SRGAP1: variants seen among roughly 807,000 people sequenced by gnomAD.
SRGAP1 encodes the protein SLIT-ROBO Rho GTPase activating protein 1.
Under a neutral mutation model 121.9 loss-of-function variants are expected in SRGAP1, and 43 were observed. The observed-to-expected ratio is 0.35, with a 90% CI of 0.28 to 0.46. The LOEUF is 0.46. Ranked by LOEUF, SRGAP1 falls within the 20% of genes least tolerant of loss-of-function variation. The pLI is 1.00. For synonymous variants in SRGAP1, 447 were observed against 485.4 expected (o/e 0.92, Z 1.04); for missense variants, 1,102 against 1,350.9 (o/e 0.82, Z 2.89).
Position 64,150,558 on chromosome 12 carries a change from A to G in SRGAP1, c.*7886A>G, listed in dbSNP as rs570357587. The stretch of plus-strand genomic sequence containing the variant: ...AGCCAGGAGAGAAGGAAACATCTTC[A>G]GTGGTCCAGTGGCACATTCAAAATT... On this transcript the variant is annotated 3_prime_UTR_variant, in exon 22 of 22. Coordinates refer to ENST00000355086, the MANE Select transcript of SRGAP1 (RefSeq NM_020762.4). 2.0e-5 allele frequency: 3 copies of G among 152,274 alleles called. No individual in the cohort carries two copies. Among genetic ancestry groups the G allele is most frequent in the South Asian group, 4.1e-4 (2 of 4,820 alleles). The allele number at this position is 152,274 out of a possible 1,614,324, so 9.4% of individuals were successfully genotyped here. A position where few individuals can be genotyped will look rare whatever the true frequency, so the allele number is the denominator to read the frequency against.
intron 1 of SRGAP1, among the ~76,000 whole-genome samples, chr12:63,961,494 C>G (rs761885525): frequency 1.3e-5 from 2 of 152,156 alleles, no homozygotes; most frequent in South Asian, 2.1e-4. Context: ...GATTCCAGAT[C>G]GTATATGTAG....
At chr12:64,134,219 A>G (rs1336444343) in intron 21 of SRGAP1, among the ~76,000 whole-genome samples, 1 of 152,020 alleles carries the variant, frequency 6.6e-6, no homozygotes, top group Non-Finnish European at 1.5e-5. Flanking sequence ...CAGGAGATTG[A>G]GACCATCCTG....
intron 1 of SRGAP1, among the ~76,000 whole-genome samples, chr12:63,886,831 C>T (rs529929512): frequency 6.6e-6 from 1 of 152,068 alleles, no homozygotes; most frequent in Admixed American, 6.6e-5. Context: ...GAAACAACTT[C>T]AGAAGAAAGA....
intron 1 of SRGAP1, among the ~76,000 whole-genome samples, chr12:63,951,268 A>G (rs1464221269): frequency 7.0e-6 from 1 of 143,280 alleles, no homozygotes; most frequent in South Asian, 2.2e-4. Context: ...GGTTCAAGCA[A>G]TTCTCCTGCC....
intron 6 of SRGAP1, among the ~76,000 whole-genome samples, chr12:64,062,235 G>T (rs1451836700): frequency 1.3e-5 from 2 of 152,028 alleles, no homozygotes; most frequent in Non-Finnish European, 2.9e-5. Flanking sequence ...GGTGTGAAGT[G>T]GTATCTCATT....
chr12:64,133,861 C>T (rs974164322), intron 21 of SRGAP1, among the ~76,000 whole-genome samples: 15 of 150,428 alleles, frequency 1.0e-4, no homozygotes, highest in African/African-American at 9.8e-5. Context: ...TTAGGAACAA[C>T]GTGATTAATT....
intron 15 of SRGAP1, among the ~76,000 whole-genome samples, chr12:64,098,371 A>C (rs2036199478): frequency 6.6e-6 from 1 of 152,060 alleles, no homozygotes; most frequent in Admixed American, 6.6e-5. Flanking sequence ...AAAAAAAAAA[A>C]AAAAACTGGG....
rs1339034404 is a variant in SRGAP1, at chr12:64,160,311, G to A, written c.*17639G>A. The A allele has an allele frequency of 6.6e-6, 1 of 152,196 alleles. No individual in the cohort carries two copies. The highest frequency in any genetic ancestry group is 1.9e-4 in the East Asian group (1 of 5,190). 9.4% of individuals were successfully genotyped at this position (152,196 alleles called of 1,614,324 possible). ...CTTAATCAGCTTCCTGATTGAGAGT[G>A]TATTTTGAGACATTCCATGTCTAGA... is the stretch of plus-strand genomic sequence containing the variant. On this transcript the variant is annotated 3_prime_UTR_variant, in exon 22 of 22. Transcript: ENST00000355086.
At chr12:63,980,130 A>G (rs2033208153) in intron 1 of SRGAP1, among the ~76,000 whole-genome samples, 1 of 152,254 alleles carries the variant, frequency 6.6e-6, no homozygotes, top group Non-Finnish European at 1.5e-5. Context: ...CAACTCCACT[A>G]TTGCCTCAAG....
chr12:64,021,336 G>C (rs921294021), intron 4 of SRGAP1, among the ~76,000 whole-genome samples: 6 of 152,198 alleles, frequency 3.9e-5, no homozygotes, highest in African/African-American at 1.2e-4. Context: ...AAGAGAAAGA[G>C]AGTGATTTGT....
At chr12:64,045,581 G>A (rs1010281158) in intron 6 of SRGAP1, among the ~76,000 whole-genome samples, 5 of 151,928 alleles carry the variant, frequency 3.3e-5, no homozygotes, top group African/African-American at 9.7e-5. Context: ...AATTACAGGC[G>A]TGCGCAACCA....
chr12:64,079,477 ATATATT>A (rs1164762318), intron 9 of SRGAP1, among the ~76,000 whole-genome samples: 2 of 148,312 alleles, frequency 1.3e-5, no homozygotes, highest in African/African-American at 4.9e-5. Context: ...AAACATATAT[ATATATT>A]TATATTTATA....
intron 21 of SRGAP1, among the ~76,000 whole-genome samples, chr12:64,141,119 T>G: frequency 7.0e-6 from 1 of 142,866 alleles, no homozygotes; most frequent in African/African-American, 2.7e-5. Context: ...CTGGGGACTG[T>G]TGTGGGGTGG....
At chr12:64,099,391 G>A (rs1233175485) in intron 15 of SRGAP1, among the ~76,000 whole-genome samples, 1 of 152,140 alleles carries the variant, frequency 6.6e-6, no homozygotes, top group Non-Finnish European at 1.5e-5. Context: ...ACTCCCGAAG[G>A]TTAGGAATTA....
intron 6 of SRGAP1, among the ~76,000 whole-genome samples, chr12:64,049,761 A>T (rs1174796953): frequency 6.6e-6 from 1 of 152,114 alleles, no homozygotes. Context: ...TGGTTACTAT[A>T]GCTTTTGTTA....
chr12:64,139,132 A>C (rs2036915880), intron 21 of SRGAP1, among the ~76,000 whole-genome samples: 1 of 152,228 alleles, frequency 6.6e-6, no homozygotes, highest in Non-Finnish European at 1.5e-5. Context: ...TAAACTCACC[A>C]AGGCAAGATA....
At chr12:64,128,984 G>A (rs937665838) in intron 21 of SRGAP1, among the ~76,000 whole-genome samples, 1 of 152,138 alleles carries the variant, frequency 6.6e-6, no homozygotes, top group Non-Finnish European at 1.5e-5. Flanking sequence ...ATGTTCGTAG[G>A]CCTAGTGGGT....
intron 1 of SRGAP1, among the ~76,000 whole-genome samples, chr12:63,974,550 CTTACT>C (rs1206813701): frequency 6.6e-6 from 1 of 151,838 alleles, no homozygotes; most frequent in Non-Finnish European, 1.5e-5. Flanking sequence ...TTCTTCTGGT[CTTACT>C]TTAATACAAA....
intron 1 of SRGAP1, among the ~76,000 whole-genome samples, chr12:63,934,779 G>A (rs2031606372): frequency 6.6e-6 from 1 of 152,054 alleles, no homozygotes; most frequent in Non-Finnish European, 1.5e-5. Flanking sequence ...GCCCCTGCCT[G>A]GCCCTTTCCT....
Sources: allele counts gnomAD v4.1 joint callset (sites outside exome capture counted in the v4.1 genomes callset), GRCh38; gene constraint gnomAD v4.1.1; transcripts MANE v1.5; gene names NCBI Gene and HGNC (gene_info 2026-07-23, HGNC 2026-07-21).